The following MROH2B variants were observed in gnomAD, a reference collection of about 807,000 sequenced individuals.
The protein encoded by MROH2B is maestro heat like repeat family member 2B, also known as maestro heat-like repeat-containing protein family member 2B.
MROH2B carries 177 observed loss-of-function variants against 208.6 expected under a neutral mutation model. The observed-to-expected ratio is 0.85, with a 90% CI of 0.75 to 0.96. The LOEUF is 0.96. Among genes scored for constraint, MROH2B ranks in the 40% least tolerant of loss-of-function variants. The pLI is 0.00. For synonymous variants in MROH2B, 728 were observed against 659.0 expected (o/e 1.10, Z -1.60); for missense variants, 2,002 against 1,878.7 (o/e 1.07, Z -1.21).
chr5:41,062,725 T>C (rs778075798), intron 5 of MROH2B, among the ~76,000 whole-genome samples: 9 of 152,214 alleles, frequency 5.9e-5, no homozygotes, highest in South Asian at 2.1e-4. Context: ...GAGCATGTTA[T>C]AGCTGTAGAG....
chr5:41,050,258 G>A (rs891162415), intron 13 of MROH2B, among the ~76,000 whole-genome samples: 6 of 152,178 alleles, frequency 3.9e-5, no homozygotes, highest in African/African-American at 1.4e-4. Flanking sequence ...TAAGGTAAAA[G>A]TTTGGCATTC....
intron 27 of MROH2B, 111 bp downstream of exon 27, chr5:41,018,230 C>T (rs1742020118): frequency 4.3e-6 from 5 of 1,169,814 alleles, no homozygotes; most frequent in African/African-American, 1.6e-5. Flanking sequence ...CCGAAAAGCA[C>T]TTCACTCTGA....
intron 38 of MROH2B, 58 bp from the exon 39 acceptor site, chr5:41,000,409 G>C: frequency 6.3e-7 from 1 of 1,587,632 alleles, no homozygotes; most frequent in East Asian, 2.2e-5. Flanking sequence ...CTTCCAGAAG[G>C]GAAAAAATGC....
At chr5:40,998,215 G>C (rs1326267740) in intron 41 of MROH2B, 57 bp from the exon 42 acceptor site, 3 of 1,463,668 alleles carry the variant, frequency 2.0e-6, no homozygotes, top group East Asian at 2.3e-5. Context: ...CCAGCAAGAA[G>C]GGCAAACCAA....
chr5:41,024,384 C>T (rs965810707), intron 24 of MROH2B, among the ~76,000 whole-genome samples: 23 of 152,120 alleles, frequency 1.5e-4, no homozygotes, highest in African/African-American at 1.7e-4. Context: ...GGGTTGCAAT[C>T]CTAGTCTCTG....
intron 36 of MROH2B, 54 bp downstream of exon 36, chr5:41,004,720 C>A: frequency 6.3e-7 from 1 of 1,577,266 alleles, no homozygotes; most frequent in South Asian, 1.2e-5. Context: ...GTTATTAAAT[C>A]ATTATTTCAA....
chr5:41,065,612 G>C, intron 3 of MROH2B, 122 bp from the exon 4 acceptor site: 2 of 801,108 alleles, frequency 2.5e-6, no homozygotes. Context: ...TATAGATTCA[G>C]GGGGTACATG....
chr5:41,048,378 T>C lies in MROH2B; in HGVS notation c.1630A>G (p.Lys544Glu). The change falls in exon 16 of 42, where the codon AAA (lysine) becomes GAA (glutamate). Residue 544 changes from lysine (K) to glutamate (E), a missense_variant. Lys to Glu is a moderately conservative substitution (Grantham distance 56). Transcript: ENST00000399564. ...CGTGTTTTCCATAGGTCTACCAATT[T>C]TGGGTGAATTATCTCAGGCAGTATC... ...LKILPEIIHP[K>E]LVDLWKTRLP... 6.2e-7 allele frequency: 1 copy of C among 1,613,696 alleles called. No homozygotes were observed. Among genetic ancestry groups the C allele is most frequent in the Non-Finnish European group, 8.5e-7 (1 of 1,179,700 alleles).
At chr5:41,044,074 C>T (rs1241377614) in intron 18 of MROH2B, among the ~76,000 whole-genome samples, 2 of 117,794 alleles carry the variant, frequency 1.7e-5, no homozygotes, top group Non-Finnish European at 3.5e-5. Flanking sequence ...CCCGTCTCTA[C>T]TAAAAATACA....
Position 41,049,453 on chromosome 5 carries a change from A to C in MROH2B, c.1345-17T>G. ...CCATAGCACCTGTGGAAAACAGGGCATGATGCAAGGATTGCTTATTCTTTT... is the reference window on the plus strand; with the variant it reads ...CCATAGCACCTGTGGAAAACAGGGCCTGATGCAAGGATTGCTTATTCTTTT... On this transcript the variant is annotated splice_polypyrimidine_tract_variant and intron_variant, in intron 13 of 41. Transcript: ENST00000399564. 6.2e-7 allele frequency: 1 copy of C among 1,604,714 alleles called. No homozygotes were observed. Among genetic ancestry groups the C allele is most frequent in the Non-Finnish European group, 8.5e-7 (1 of 1,176,904 alleles).
At chr5:41,035,005 T>G (rs1561292396) in intron 21 of MROH2B, among the ~76,000 whole-genome samples, 1 of 152,220 alleles carries the variant, frequency 6.6e-6, no homozygotes, top group East Asian at 1.9e-4. Context: ...TCAATATTGT[T>G]AGAATGATCA....
chr5:41,038,964 C>T, intron 20 of MROH2B, 76 bp from the exon 21 acceptor site: 1 of 1,351,064 alleles, frequency 7.4e-7, no homozygotes, highest in Non-Finnish European at 1.0e-6. Context: ...TTTCCTAATC[C>T]TGTGGACCAC....
Position 41,008,603 on chromosome 5 carries a change from T to C in MROH2B, c.3608+3A>G. The C allele has an allele frequency of 1.2e-6, 2 of 1,613,260 alleles. No individual in the cohort carries two copies. Among genetic ancestry groups the C allele is most frequent in the Non-Finnish European group, 1.7e-6 (2 of 1,179,580 alleles). On this transcript the variant is annotated splice_donor_region_variant and intron_variant, in intron 33 of 41. Coordinates refer to ENST00000399564, the MANE Select transcript of MROH2B (RefSeq NM_173489.5). ...GGAAGATGCTTCCTGATTGGCCGTTTACCTGCAGGGGTCTGGGATCTGCTG... is the reference window on the plus strand; with the variant it reads ...GGAAGATGCTTCCTGATTGGCCGTTCACCTGCAGGGGTCTGGGATCTGCTG...
chr5:41,052,530 C>T lies in MROH2B; in HGVS notation c.1165G>A (p.Ala389Thr). The T allele has an allele frequency of 1.9e-6, 3 of 1,612,718 alleles. No homozygotes were observed. The highest frequency in any genetic ancestry group is 2.5e-6 in the Non-Finnish European group (3 of 1,179,200). ...TCAATCAATGGCCATCCTTCCCGAG[C>T]TTCAATATAGGACTTTTCACACATG... is the stretch of plus-strand genomic sequence containing the variant. The part of the protein sequence containing the change: ...QTMCEKSYIE[A>T]REGWPLIDYV... The change falls in exon 12 of 42, where the codon GCT (alanine) becomes ACT (threonine). Residue 389 changes from alanine to threonine, a missense_variant. Ala to Thr is a moderately conservative substitution (Grantham distance 58). Coordinates refer to ENST00000399564, the MANE Select transcript of MROH2B (RefSeq NM_173489.5).
chr5:41,070,945 A>G lies in MROH2B; in HGVS notation c.-93T>C, dbSNP rs999079274. The G allele has an allele frequency of 1.9e-5, 25 of 1,298,376 alleles. No homozygotes were observed. The African/African-American group carries it at 3.7e-4, about 19-fold the overall frequency. 80.4% of individuals were successfully genotyped at this position (1,298,376 alleles called of 1,614,324 possible). A position where few individuals can be genotyped will look rare whatever the true frequency, so the allele number is the denominator to read the frequency against. On this transcript the variant is annotated 5_prime_UTR_variant, in exon 1 of 42. It removes an upstream start codon present in the reference 5' UTR. Transcript: ENST00000399564. ...AAAGAGGCAGGTTGGCAAGTTTCTC[A>G]TATAAGGTTCACATAAGCCTCTCTA...
At chr5:41,038,991 C>T (rs1742855939) in intron 20 of MROH2B, 103 bp from the exon 21 acceptor site, 1 of 1,045,214 alleles carries the variant, frequency 9.6e-7, no homozygotes, top group Non-Finnish European at 1.4e-6. Flanking sequence ...GGATAAGAAA[C>T]TGGACTGGGA....
At chr5:41,015,526 G>A in intron 28 of MROH2B, 48 bp from the exon 29 acceptor site, 1 of 1,553,540 alleles carries the variant, frequency 6.4e-7, no homozygotes, top group East Asian at 2.2e-5. Flanking sequence ...AGACCTGATA[G>A]GGGTTGAAGA....
chr5:41,048,939 A>C (rs1055901201), intron 15 of MROH2B, among the ~76,000 whole-genome samples, 162 bp downstream of exon 15: 8 of 152,206 alleles, frequency 5.3e-5, no homozygotes, highest in Admixed American at 3.3e-4. Context: ...GTCAATAATA[A>C]ATATTCATGA....
Position 40,998,060 on chromosome 5 carries a change from G to C in MROH2B, c.4750C>G (p.Pro1584Ala), listed in dbSNP as rs760873895. The C allele has an allele frequency of 3.7e-6, 6 of 1,608,000 alleles. No homozygotes were observed. In the Admixed American group the frequency reaches 1.0e-4, roughly 27 times the overall value. Reference protein sequence around the residue: ...LLRRCKETSIPL With the variant: ...LLRRCKETSIAL Reference sequence around the variant, plus strand: ...GTTTATTTCTTGATGGCTTACAGAGGAATGCTTGTCTCTTTACACCTTCTC... The same window carrying C: ...GTTTATTTCTTGATGGCTTACAGAGCAATGCTTGTCTCTTTACACCTTCTC... The change falls in exon 42 of 42, where the codon CCT becomes GCT. Residue 1584 changes from proline (P) to alanine (A), a missense_variant. Transcript: ENST00000399564.
Sources: allele counts gnomAD v4.1 joint callset (sites outside exome capture counted in the v4.1 genomes callset), GRCh38; gene constraint gnomAD v4.1.1; transcripts MANE v1.5; gene names NCBI Gene and HGNC (gene_info 2026-07-23, HGNC 2026-07-21).